The following ZNF439 variants were observed in gnomAD, a reference collection of about 807,000 sequenced individuals.
The protein encoded by ZNF439 is zinc finger protein 439.
In ZNF439, 40 loss-of-function variants were observed where a neutral mutation model predicts 47.3. The ratio of observed to expected loss-of-function variants is 0.85; its 90% CI spans 0.66 to 1.10. The LOEUF is 1.10. Among genes scored for constraint, ZNF439 ranks in the 50% least tolerant of loss-of-function variants. The pLI, the probability that ZNF439 is intolerant of heterozygous loss-of-function variation, is 0.00. For synonymous variants in ZNF439, 171 were observed against 198.8 expected (o/e 0.86, Z 1.18); for missense variants, 556 against 601.1 (o/e 0.93, Z 0.78).
intron 1 of ZNF439, chr19:11,865,899 T>C: frequency 1.9e-6 from 1 of 527,326 alleles, no homozygotes; most frequent in Non-Finnish European, 2.8e-6. Context: ...TGCTGGTGCA[T>C]GCCTGTAATC....
At chr19:11,865,746 G>A (rs934824272) in intron 1 of ZNF439, among the ~76,000 whole-genome samples, 8 of 129,722 alleles carry the variant, frequency 6.2e-5, no homozygotes, top group Non-Finnish European at 9.3e-5. Context: ...AAAAATTGCT[G>A]TCTGGGTGTG....
chr19:11,851,829 A>G (rs1473153011), intron 1 of ZNF439, among the ~76,000 whole-genome samples: 1 of 151,914 alleles, frequency 6.6e-6, no homozygotes, highest in African/African-American at 2.4e-5. Flanking sequence ...TTAATTTTTT[A>G]TGGAGGTGGG....
At chr19:11,853,227 C>T (rs1252818450) in intron 1 of ZNF439, among the ~76,000 whole-genome samples, 1 of 152,114 alleles carries the variant, frequency 6.6e-6, no homozygotes, top group African/African-American at 2.4e-5. Context: ...CCACGCCTGG[C>T]CTAAATTAGT....
intron 1 of ZNF439, 162 bp downstream of exon 1, chr19:11,849,092 G>C: frequency 8.3e-7 from 1 of 1,206,484 alleles, no homozygotes. Context: ...GCCGGCAGCC[G>C]GGACTCCGGG....
intron 1 of ZNF439, 52 bp from the exon 2 acceptor site, chr19:11,866,153 C>T (rs1321708787): frequency 1.2e-6 from 2 of 1,612,428 alleles, no homozygotes; most frequent in Admixed American, 1.7e-5. Flanking sequence ...AGTCTAGGCC[C>T]CCAATGCTGT....
In ZNF439 at chr19:11,848,730, T is replaced by G; in HGVS notation, c.-138T>G. ...CACTGGCTCGGGGCCCTGCCCACTG[T>G]GCATCCAGGCACGGAGGATGTTGCA... On this transcript the variant is annotated 5_prime_UTR_variant, in exon 1 of 4. Coordinates refer to ENST00000682736, the MANE Select transcript of ZNF439 (RefSeq NM_001348719.2). 8.7e-7 allele frequency: 1 copy of G among 1,149,578 alleles called. No individual in the cohort carries two copies. Among genetic ancestry groups the G allele is most frequent in the Admixed American group, 3.3e-5 (1 of 30,444 alleles). The allele number at this position is 1,149,578 out of a possible 1,614,324, so 71.2% of individuals were successfully genotyped here. A position where few individuals can be genotyped will look rare whatever the true frequency, so the allele number is the denominator to read the frequency against.
chr19:11,861,451 T>A (rs962368957), intron 1 of ZNF439, among the ~76,000 whole-genome samples: 2 of 151,852 alleles, frequency 1.3e-5, no homozygotes, highest in African/African-American at 4.8e-5. Context: ...CCTAGGGGAG[T>A]GGGGCCTCCC....
Position 11,868,161 on chromosome 19 carries a change from T to G in ZNF439, c.1107T>G (p.Tyr369Ter), listed in dbSNP as rs898049644. 9 of 1,614,066 alleles carry G rather than the reference T, an allele frequency of 5.6e-6. No individual in the cohort carries two copies. The highest frequency in any genetic ancestry group is 7.6e-6 in the Non-Finnish European group (9 of 1,180,010). ...GTAAGACATGTGGGAAAGGCTTTTA[T>G]TCTGCCAAGTCATTTCAAAGACATG... ...YECKTCGKGF[Y>*]SAKSFQRHEK... The change falls in exon 4 of 4, where the codon TAT becomes TAG. Residue 369 changes from tyrosine (Y) to a stop codon, truncating the protein, a stop_gained. Transcript: ENST00000682736. LOFTEE classifies it high-confidence loss of function.
chr19:11,852,372 G>A (rs1165350435), intron 1 of ZNF439, among the ~76,000 whole-genome samples: 2 of 152,216 alleles, frequency 1.3e-5, no homozygotes, highest in Non-Finnish European at 2.9e-5. Context: ...GAAGGAAGGC[G>A]AATCTGTAAT....
At position 11,855,381 on chromosome 19, in the gene ZNF439, G is replaced by GT. The variant is rs112575968; in HGVS notation, c.63+6453dup. The stretch of plus-strand genomic sequence containing the variant: ...AGGTGGGGCGACTGGGCCGGGAATG[G>GT]TTGGTTAGCACACCAGTTACATTAA... On this transcript the variant is annotated intron_variant, in intron 1 of 3. Transcript: ENST00000682736. 7.2e-3 allele frequency among the ~76,000 whole-genome samples: 1,098 copies of GT among 152,268 alleles called. 5 individuals are homozygous for GT. Among genetic ancestry groups the GT allele is most frequent in the African/African-American group, 0.025 (1,055 of 41,536 alleles).
Position 11,866,527 on chromosome 19 carries a change from T to G in ZNF439, c.191-10T>G, listed in dbSNP as rs1241854563. ...TGCCTCAGGATTATTTTTCTGTGTT[T>G]GTATTTTAGGAAAAAAGTGGAAAGA... On this transcript the variant is annotated splice_polypyrimidine_tract_variant and intron_variant, in intron 2 of 3. Coordinates refer to ENST00000682736, the MANE Select transcript of ZNF439 (RefSeq NM_001348719.2). 6.2e-7 allele frequency: 1 copy of G among 1,612,728 alleles called. No individual in the cohort carries two copies. Among genetic ancestry groups the G allele is most frequent in the Non-Finnish European group, 8.5e-7 (1 of 1,179,430 alleles).
In ZNF439 at chr19:11,868,357, A is replaced by G. The variant is rs914545781; in HGVS notation, c.1303A>G (p.Arg435Gly). The change falls in exon 4 of 4, where the codon AGG (arginine) becomes GGG (glycine). Residue 435 changes from arginine (R) to glycine (G), a missense_variant. Arg to Gly is a moderately radical substitution (Grantham distance 125). Coordinates refer to ENST00000682736, the MANE Select transcript of ZNF439 (RefSeq NM_001348719.2). ...RSAPNLQLHG[R>G]THTGEKPYQC... is the part of the protein sequence containing the mutation. ...TGCCCCAAATCTTCAATTGCATGGTAGGACTCACACTGGAGAGAAACCGTA... is the reference window on the plus strand; with the variant it reads ...TGCCCCAAATCTTCAATTGCATGGTGGGACTCACACTGGAGAGAAACCGTA... The G allele has an allele frequency of 3.1e-6, 5 of 1,606,264 alleles. No homozygotes were observed. The African/African-American group carries it at 6.7e-5, about 21-fold the overall frequency.
At chr19:11,852,938 A>AT (rs1042629050) in intron 1 of ZNF439, among the ~76,000 whole-genome samples, 7 of 151,258 alleles carry the variant, frequency 4.6e-5, no homozygotes, top group East Asian at 2.0e-4. Context: ...TTATTTATTT[A>AT]TTTTTTTTGA....
intron 1 of ZNF439, chr19:11,857,898 G>A (rs1568255725): frequency 6.6e-6 from 1 of 152,144 alleles, no homozygotes; most frequent in Non-Finnish European, 1.5e-5. Flanking sequence ...GTCAAAGCCT[G>A]CTTCCTTTCT....
chr19:11,862,979 C>T (rs1976577762), intron 1 of ZNF439, among the ~76,000 whole-genome samples: 1 of 151,818 alleles, frequency 6.6e-6, no homozygotes, highest in Non-Finnish European at 1.5e-5. Flanking sequence ...AAACTCCTGA[C>T]CTCAGGTGAT....
chr19:11,854,077 A>T (rs1017795550), intron 1 of ZNF439, among the ~76,000 whole-genome samples: 6 of 152,248 alleles, frequency 3.9e-5, no homozygotes, highest in African/African-American at 1.4e-4. Flanking sequence ...AGATGACAGC[A>T]CAATTGCTGT....
chr19:11,859,200 G>A (rs919811983), intron 1 of ZNF439, among the ~76,000 whole-genome samples: 3 of 152,166 alleles, frequency 2.0e-5, no homozygotes, highest in Non-Finnish European at 4.4e-5. Context: ...AAGAAAATGT[G>A]CACAGGGCTC....
chr19:11,849,022 G>A, intron 1 of ZNF439, 92 bp downstream of exon 1: 4 of 1,369,210 alleles, frequency 2.9e-6, no homozygotes, highest in Non-Finnish European at 2.9e-6. Flanking sequence ...CCGGGGTCTG[G>A]GACCGAGTCC....
At chr19:11,850,404 G>A (rs1483316347) in intron 1 of ZNF439, 1 of 152,104 alleles carries the variant, frequency 6.6e-6, no homozygotes, top group Admixed American at 6.6e-5. Context: ...TGTTTTACAT[G>A]TTTAAGGCTA....
Sources: allele counts gnomAD v4.1 joint callset (sites outside exome capture counted in the v4.1 genomes callset), GRCh38; gene constraint gnomAD v4.1.1; transcripts MANE v1.5; gene names NCBI Gene and HGNC (gene_info 2026-07-23, HGNC 2026-07-21).